CD247: variants seen among roughly 807,000 people sequenced by gnomAD.
CD247 encodes T-cell surface glycoprotein CD3 zeta chain.
In CD247, 13 loss-of-function variants were observed where a neutral mutation model predicts 30.0. That is an observed-to-expected ratio of 0.43 (90% confidence interval 0.28 to 0.69). The LOEUF is 0.69. CD247 is among the 30% of genes least tolerant of loss of function. The pLI, the probability that CD247 is intolerant of heterozygous loss-of-function variation, is 0.16. For synonymous variants in CD247, 72 were observed against 80.0 expected (o/e 0.90, Z 0.53); for missense variants, 193 against 212.6 (o/e 0.91, Z 0.57).
chr1:167,490,334 T>C (rs557672364), intron 1 of CD247, among the ~76,000 whole-genome samples: 2 of 152,316 alleles, frequency 1.3e-5, no homozygotes, highest in African/African-American at 4.8e-5. Context: ...CTTTAGAAAT[T>C]ATATTTGAGG....
At chr1:167,463,919 T>A (rs1653130874) in intron 1 of CD247, among the ~76,000 whole-genome samples, 1 of 152,200 alleles carries the variant, frequency 6.6e-6, no homozygotes, top group African/African-American at 2.4e-5. Context: ...TGTTTGTTTT[T>A]AATGTTTTGT....
chr1:167,454,481 G>A (rs1035437063), intron 1 of CD247, among the ~76,000 whole-genome samples: 3 of 152,262 alleles, frequency 2.0e-5, no homozygotes, highest in African/African-American at 7.2e-5. Flanking sequence ...AGGAACAGGG[G>A]CTGGCCCATT....
intron 1 of CD247, among the ~76,000 whole-genome samples, chr1:167,444,556 G>A (rs751974082): frequency 2.5e-4 from 38 of 152,270 alleles, no homozygotes; most frequent in Non-Finnish European, 4.9e-4. Flanking sequence ...GAGACTAATA[G>A]AGCATTCTCA....
intron 2 of CD247, chr1:167,440,426 G>A (rs978052296): frequency 2.6e-5 from 15 of 580,314 alleles, no homozygotes; most frequent in African/African-American, 2.1e-4. Context: ...ACATTTGTAC[G>A]GCTTGTCATG....
chr1:167,452,714 C>A (rs1773561), intron 1 of CD247, among the ~76,000 whole-genome samples: 4 of 151,818 alleles, frequency 2.6e-5, no homozygotes, highest in African/African-American at 9.7e-5. Flanking sequence ...AGGGACGATG[C>A]CTGCAGTCAC....
At chr1:167,470,961 T>C (rs551629420) in intron 1 of CD247, among the ~76,000 whole-genome samples, 1 of 148,168 alleles carries the variant, frequency 6.7e-6, no homozygotes, top group Admixed American at 6.9e-5. Flanking sequence ...AACCTCCACC[T>C]CCTGGGTTCA....
intron 1 of CD247, among the ~76,000 whole-genome samples, chr1:167,445,716 A>G (rs1652046966): frequency 6.6e-6 from 1 of 152,046 alleles, no homozygotes; most frequent in Admixed American, 6.5e-5. Flanking sequence ...TCTGAGCCAG[A>G]CTATGAACTT....
intron 1 of CD247, among the ~76,000 whole-genome samples, chr1:167,483,012 C>CT (rs759667831): frequency 0.043 from 5,977 of 140,550 alleles, 226 homozygotes; most frequent in African/African-American, 0.049. Context: ...TTCTTTCTTT[C>CT]TTTTTTTTTT....
intron 1 of CD247, among the ~76,000 whole-genome samples, chr1:167,490,950 A>T (rs550609012): frequency 7.2e-4 from 109 of 151,482 alleles, no homozygotes; most frequent in African/African-American, 2.4e-3. Context: ...AAATAATAAT[A>T]AATAATAATA....
At chr1:167,485,018 C>T (rs573870084) in intron 1 of CD247, among the ~76,000 whole-genome samples, 91 of 152,268 alleles carry the variant, frequency 6.0e-4, no homozygotes, top group African/African-American at 2.1e-3. Context: ...CAGGAAATAA[C>T]AATCAGGCCA....
At position 167,432,387 on chromosome 1, in the gene CD247, A is replaced by G. The variant is rs571293907; in HGVS notation, c.429+637T>C. On this transcript the variant is annotated intron_variant, in intron 7 of 7. Transcript: ENST00000362089. Reference sequence around the variant, plus strand: ...GGTAAGTTTCTGGGGCCCTTTTGATATCACTCAACTCAGGCAAGCTGGGCA... The same window carrying G: ...GGTAAGTTTCTGGGGCCCTTTTGATGTCACTCAACTCAGGCAAGCTGGGCA... Among the ~76,000 whole-genome samples the G allele has an allele frequency of 1.1e-4, 17 of 152,292 alleles. No individual in the cohort carries two copies. In the East Asian group the frequency reaches 3.1e-3, roughly 28 times the overall value.
intron 1 of CD247, among the ~76,000 whole-genome samples, chr1:167,480,331 G>A (rs1035202975): frequency 3.3e-5 from 5 of 152,158 alleles, no homozygotes; most frequent in Non-Finnish European, 5.9e-5. Flanking sequence ...AATTTAGTTG[G>A]AGAAGGAGTG....
At chr1:167,462,574 C>A (rs1007730792) in intron 1 of CD247, among the ~76,000 whole-genome samples, 11 of 152,218 alleles carry the variant, frequency 7.2e-5, no homozygotes, top group Admixed American at 1.3e-4. Flanking sequence ...AGGGGGCCTG[C>A]CCTGGTCTAA....
chr1:167,434,480 C>T (rs1651429882), intron 5 of CD247: 1 of 353,552 alleles, frequency 2.8e-6, no homozygotes, highest in African/African-American at 2.1e-5. Flanking sequence ...TCCCTCCCCA[C>T]AGGAGGGGCG....
chr1:167,462,697 C>T (rs1488803708), intron 1 of CD247, among the ~76,000 whole-genome samples: 1 of 152,174 alleles, frequency 6.6e-6, no homozygotes, highest in Non-Finnish European at 1.5e-5. Context: ...CTACAATGTC[C>T]AAAGAATGGG....
chr1:167,433,423 G>A (rs1651370687), intron 6 of CD247, among the ~76,000 whole-genome samples: 1 of 152,212 alleles, frequency 6.6e-6, no homozygotes, highest in Admixed American at 6.5e-5. Flanking sequence ...ACAACCAGCT[G>A]TTTTGAGCAG....
intron 1 of CD247, among the ~76,000 whole-genome samples, chr1:167,513,825 G>A (rs961776435): frequency 1.3e-5 from 2 of 152,088 alleles, no homozygotes; most frequent in African/African-American, 2.4e-5. Context: ...AACAAATAGT[G>A]GAAATTTCAT....
chr1:167,464,016 A>C (rs1355873417), intron 1 of CD247, among the ~76,000 whole-genome samples: 1 of 152,140 alleles, frequency 6.6e-6, no homozygotes, highest in Non-Finnish European at 1.5e-5. Context: ...GACACTGGCT[A>C]ATAAGACACA....
At chr1:167,465,322 TTTTTC>T (rs201201346) in intron 1 of CD247, among the ~76,000 whole-genome samples, 2 of 128,160 alleles carry the variant, frequency 1.6e-5, no homozygotes, top group East Asian at 2.2e-4. Flanking sequence ...TTTTTTTTTC[TTTTTC>T]TTTTTTTTTT....
Sources: allele counts gnomAD v4.1 joint callset (sites outside exome capture counted in the v4.1 genomes callset), GRCh38; gene constraint gnomAD v4.1.1; transcripts MANE v1.5; gene names NCBI Gene and HGNC (gene_info 2026-07-23, HGNC 2026-07-21).